Variants in GPR160 observed in about 807,000 individuals in gnomAD.
The protein encoded by GPR160 is G protein-coupled receptor 160, also known as probable G protein-coupled receptor 160.
A neutral mutation model predicts 2.6 loss-of-function variants in GPR160; 2 were observed. The observed-to-expected ratio is 0.77, with a 90% CI of 0.32 to 2.44. The LOEUF (loss-of-function observed/expected upper bound fraction) is 2.44, where lower values mean the gene tolerates loss of function less well. Among genes scored for constraint, GPR160 ranks in the 30% most tolerant of loss-of-function variants. The pLI is 0.11. For synonymous variants in GPR160, 130 were observed against 132.2 expected (o/e 0.98, Z 0.12); for missense variants, 351 against 383.6 (o/e 0.91, Z 0.71).
In GPR160 at chr3:170,038,398, C is replaced by G. The variant is rs1344458276; in HGVS notation, c.-322+183C>G. ...GGGGGTTCTCTGCTACTTAAGAGAT[C>G]CAGGAGTGGAGCCCGGACGCCCGAG... On this transcript the variant is annotated intron_variant, in intron 1 of 3. Coordinates refer to ENST00000355897, the MANE Select transcript of GPR160 (RefSeq NM_014373.3). The surrounding 1 kb of genome is among the most constrained non-coding windows in gnomAD (Gnocchi z 5.3). 6.6e-6 allele frequency: 1 copy of G among 152,118 alleles called. No individual in the cohort carries two copies. The highest frequency in any genetic ancestry group is 2.4e-5 in the African/African-American group (1 of 41,390). The allele number at this position is 152,118 out of a possible 1,614,324, so 9.4% of individuals were successfully genotyped here. A position where few individuals can be genotyped will look rare whatever the true frequency, so the allele number is the denominator to read the frequency against.
rs547880794 is a variant in GPR160 at position 170,073,003 on chromosome 3, G to A, written c.-192-6771G>A. Among the ~76,000 whole-genome samples, 13 of 152,072 alleles carry A rather than the reference G, an allele frequency of 8.5e-5. 1 individual carries two copies. The highest frequency in any genetic ancestry group is 3.1e-4 in the African/African-American group (13 of 41,498). ...TTGAGACCAACCTGGACAACGAAAC[G>A]AGACCCCATCTCTACAAATAAAAAA... is the stretch of plus-strand genomic sequence containing the variant. On this transcript the variant is annotated intron_variant, in intron 2 of 3. Transcript: ENST00000355897.
chr3:170,056,055 AT>A (rs1362005116), intron 2 of GPR160, among the ~76,000 whole-genome samples: 9 of 151,946 alleles, frequency 5.9e-5, no homozygotes, highest in Non-Finnish European at 1.3e-4. Context: ...TATATTGTTG[AT>A]TTTTTTTAAG....
At chr3:170,081,941 T>G (rs1713153193) in intron 3 of GPR160, among the ~76,000 whole-genome samples, 1 of 152,264 alleles carries the variant, frequency 6.6e-6, no homozygotes, top group South Asian at 2.1e-4. Flanking sequence ...ATGGTATATA[T>G]GTACCACATT....
chr3:170,084,334 G>A lies in GPR160; in HGVS notation c.362G>A (p.Cys121Tyr). Residue 121 changes from cysteine to tyrosine, a missense_variant, in exon 4 of 4, where the codon TGC becomes TAC. Cys to Tyr is a radical substitution (Grantham distance 194). Transcript: ENST00000355897. ...TTCCTGACAGCTTGTATAGATTATT[G>A]CCTGAATTTCTCTAAAACAACCAAG... ...PVFLTACIDY[C>Y]LNFSKTTKLS... 1 of 1,608,524 alleles carries A rather than the reference G, an allele frequency of 6.2e-7. No individual in the cohort carries two copies. The highest frequency in any genetic ancestry group is 1.7e-5 in the Admixed American group (1 of 59,528).
chr3:170,068,492 G>C lies in GPR160; in HGVS notation c.-192-11282G>C, dbSNP rs1311004166. ...TTCTTGAGTTCTTCCCCTCCAGTTT[G>C]CTCTCTTTCTGTGACTCCTGTTATT... On this transcript the variant is annotated intron_variant, in intron 2 of 3. Transcript: ENST00000355897. 2.6e-5 allele frequency among the ~76,000 whole-genome samples: 4 copies of C among 152,082 alleles called. No homozygotes were observed. In the East Asian group the frequency reaches 5.8e-4, roughly 22 times the overall value.
In GPR160 at chr3:170,062,699, C is replaced by T. The variant is rs1712030053; in HGVS notation, c.-192-17075C>T. 21 of 1,414,974 alleles carry T rather than the reference C, an allele frequency of 1.5e-5. No individual in the cohort carries two copies. In the South Asian group the frequency reaches 2.5e-4, roughly 17 times the overall value. The allele number at this position is 1,414,974 out of a possible 1,614,324, so 87.7% of individuals were successfully genotyped here. A position where few individuals can be genotyped will look rare whatever the true frequency, so the allele number is the denominator to read the frequency against. ...ATAGCCCATCAAGGGCAAACAGGCC[C>T]CCGAAAAAAAGCTCAAGGAAAAGTC... On this transcript the variant is annotated intron_variant, in intron 2 of 3. Coordinates refer to ENST00000355897, the MANE Select transcript of GPR160 (RefSeq NM_014373.3).
chr3:170,059,770 C>G (rs1419961828), intron 2 of GPR160, among the ~76,000 whole-genome samples: 3 of 151,966 alleles, frequency 2.0e-5, no homozygotes, highest in Non-Finnish European at 2.9e-5. Context: ...GTTTGCTGTA[C>G]AGATTATCCC....
intron 2 of GPR160, among the ~76,000 whole-genome samples, chr3:170,044,664 C>T (rs1160422447): frequency 6.6e-6 from 1 of 152,158 alleles, no homozygotes; most frequent in Non-Finnish European, 1.5e-5. Context: ...GCCTTTAACC[C>T]TTCCCCTTTA....
chr3:170,056,521 GTAACACAGAGAC>G (rs1711651211), intron 2 of GPR160, among the ~76,000 whole-genome samples: 1 of 152,160 alleles, frequency 6.6e-6, no homozygotes, highest in South Asian at 2.1e-4. Flanking sequence ...CGGTGGGAAG[GTAACACAGAGAC>G]ATTATCAAGG....
At chr3:170,045,435 A>AAAAAAAAAAAAAAC (rs1559981261) in intron 2 of GPR160, among the ~76,000 whole-genome samples, 1 of 132,444 alleles carries the variant, frequency 7.6e-6, no homozygotes, top group Non-Finnish European at 1.6e-5. Flanking sequence ...AAAAAAAAAA[A>AAAAAAAAAAAAAAC]AAAAAAAAAA....
intron 2 of GPR160, among the ~76,000 whole-genome samples, chr3:170,078,816 A>G (rs1712988712): frequency 6.6e-6 from 1 of 151,954 alleles, no homozygotes; most frequent in African/African-American, 2.4e-5. Context: ...AACCTGATGC[A>G]AAAAAAAGGG....
Position 170,085,124 on chromosome 3 carries a change from T to C in GPR160, c.*135T>C, listed in dbSNP as rs928558216. ...TGATAGCATTTCAGAATGTGTCTTT[T>C]GAAGGGCTATGATACCAGTTATTAA... On this transcript the variant is annotated 3_prime_UTR_variant, in exon 4 of 4. Transcript: ENST00000355897. 7 of 482,410 alleles carry C rather than the reference T, an allele frequency of 1.5e-5. No individual in the cohort carries two copies. The South Asian group carries it at 3.4e-4, about 23-fold the overall frequency. 29.9% of individuals were successfully genotyped at this position (482,410 alleles called of 1,614,324 possible).
At chr3:170,059,742 G>A (rs755392395) in intron 2 of GPR160, among the ~76,000 whole-genome samples, 2 of 152,022 alleles carry the variant, frequency 1.3e-5, no homozygotes, top group African/African-American at 4.8e-5. Context: ...GTTACACAGG[G>A]AAACGGGTGC....
rs368019452 is a variant in GPR160, at chr3:170,045,408, C to CAAAAAAAAA, written c.-193+6396_-193+6404dup. Reference sequence around the variant, plus strand: ...TGAAACCCTGTCTCTACTAAAAATACAAAAAAAAAAAAAAAAAAAAAAAAA... The same window carrying CAAAAAAAAA: ...TGAAACCCTGTCTCTACTAAAAATACAAAAAAAAAAAAAAAAAAAAAAAAAAAAAAAAAA... On this transcript the variant is annotated intron_variant, in intron 2 of 3. Transcript: ENST00000355897. Among the ~76,000 whole-genome samples, 130 of 33,662 alleles carry CAAAAAAAAA rather than the reference C, an allele frequency of 3.9e-3. 30 individuals carry two copies. The highest frequency in any genetic ancestry group is 5.9e-3 in the Non-Finnish European group (107 of 18,162). The allele number at this position is 33,662 out of a possible 152,430, so 22.1% of individuals were successfully genotyped here. A position where few individuals can be genotyped will look rare whatever the true frequency, so the allele number is the denominator to read the frequency against.
At chr3:170,055,737 C>G (rs1711610552) in intron 2 of GPR160, among the ~76,000 whole-genome samples, 1 of 152,190 alleles carries the variant, frequency 6.6e-6, no homozygotes, top group African/African-American at 2.4e-5. Context: ...CGGGTTCACG[C>G]CATTCTCCTG....
rs1716329078 is a variant in GPR160, at chr3:170,039,014, C to T, written c.-222C>T. The T allele has an allele frequency of 1.3e-5, 2 of 152,038 alleles. No homozygotes were observed. Among genetic ancestry groups the T allele is most frequent in the Admixed American group, 6.6e-5 (1 of 15,262 alleles). 9.4% of individuals were successfully genotyped at this position (152,038 alleles called of 1,614,324 possible). A position where few individuals can be genotyped will look rare whatever the true frequency, so the allele number is the denominator to read the frequency against. On this transcript the variant is annotated 5_prime_UTR_variant, in exon 2 of 4. Transcript: ENST00000355897. ...GTTCGGCTGGAAGGAACCGCTCTCG[C>T]TTCGTCCTACACTTGCGCAAATGTC...
intron 2 of GPR160, among the ~76,000 whole-genome samples, chr3:170,061,475 A>G (rs541534671): frequency 9.2e-5 from 14 of 152,112 alleles, no homozygotes; most frequent in Admixed American, 5.9e-4. Context: ...ATTAATATTT[A>G]TGGGACAGTT....
intron 2 of GPR160, chr3:170,062,803 G>T: frequency 1.5e-6 from 1 of 649,454 alleles, no homozygotes; most frequent in Non-Finnish European, 2.8e-6. Flanking sequence ...GAAAGGGAAA[G>T]AATAGATGAA....
intron 2 of GPR160, among the ~76,000 whole-genome samples, chr3:170,059,524 T>C (rs895483289): frequency 6.6e-6 from 1 of 152,340 alleles, no homozygotes; most frequent in South Asian, 2.1e-4. Flanking sequence ...TGAATCAATA[T>C]ACTAATGTCA....
Sources: gnomAD v4.1 joint callset for allele counts (sites outside exome capture counted in the v4.1 genomes callset) on GRCh38, gnomAD v4.1.1 for gene constraint, Gnocchi (gnomAD v3.1) non-coding constraint, MANE v1.5 for transcripts, NCBI Gene and HGNC (gene_info 2026-07-23, HGNC 2026-07-21) for gene names.